GMDS: variants seen among roughly 807,000 people sequenced by gnomAD.
GMDS encodes the protein GDP-mannose 4,6-dehydratase, also known as GDP-mannose 4,6 dehydratase.
A neutral mutation model predicts 49.9 loss-of-function variants in GMDS; 20 were observed. The ratio of observed to expected loss-of-function variants is 0.40; its 90% CI spans 0.28 to 0.58. GMDS has a LOEUF of 0.58. Ranked by LOEUF, GMDS falls within the 20% of genes least tolerant of loss-of-function variation. The probability of loss-of-function intolerance (pLI) is 0.42; values close to 1 mark genes in which losing one functional copy is unlikely to be tolerated. For missense variants in GMDS, 362 were observed against 481.4 expected (o/e 0.75, Z 2.32); for synonymous variants, 177 against 178.6 (o/e 0.99, Z 0.07).
chr6:2,240,939 C>T (rs1044710742), intron 1 of GMDS, among the ~76,000 whole-genome samples: 2 of 152,198 alleles, frequency 1.3e-5, no homozygotes, highest in African/African-American at 4.8e-5. Context: ...AAGAAAACAG[C>T]ATTTTTCAGT....
intron 1 of GMDS, among the ~76,000 whole-genome samples, chr6:2,185,384 G>A (rs929101826): frequency 3.3e-5 from 5 of 152,020 alleles, no homozygotes; most frequent in Admixed American, 6.6e-5. Context: ...CAAAACTACT[G>A]CACTTTACAT....
At chr6:1,973,322 G>A (rs1479412465) in intron 4 of GMDS, among the ~76,000 whole-genome samples, 1 of 152,132 alleles carries the variant, frequency 6.6e-6, no homozygotes, top group Non-Finnish European at 1.5e-5. Context: ...ATTTTGTAAT[G>A]TTTATAACTT....
chr6:2,027,556 T>G (rs983803985), intron 4 of GMDS, among the ~76,000 whole-genome samples: 1 of 152,112 alleles, frequency 6.6e-6, no homozygotes, highest in African/African-American at 2.4e-5. Context: ...ATCAACATAA[T>G]GATAAGCATA....
intron 4 of GMDS, among the ~76,000 whole-genome samples, chr6:2,036,669 T>C (rs1440938629): frequency 6.6e-6 from 1 of 152,218 alleles, no homozygotes; most frequent in Non-Finnish European, 1.5e-5. Context: ...GATAATTCTC[T>C]TCCTATAAAT....
Position 1,880,284 on chromosome 6 carries a change from CAAAAAAAAAAAAA to C in GMDS, c.771+49806_771+49818del, listed in dbSNP as rs34490393. Among the ~76,000 whole-genome samples the C allele has an allele frequency of 1.5e-4, 9 of 59,124 alleles. No homozygotes were observed. In the South Asian group the frequency reaches 6.7e-3, roughly 44 times the overall value. 38.8% of individuals were successfully genotyped at this position (59,124 alleles called of 152,430 possible). On this transcript the variant is annotated intron_variant, in intron 7 of 10. Transcript: ENST00000380815. Reference sequence around the variant, plus strand: ...ACAATGAAACGAGACCTCATTTCCACAAAAAAAAAAAAAAAAAAAAAAAAATCACCAGGTGTGG... The same window carrying C: ...ACAATGAAACGAGACCTCATTTCCACAAAAAAAAAAAATCACCAGGTGTGG...
At chr6:2,093,198 A>G (rs1004779) in intron 4 of GMDS, among the ~76,000 whole-genome samples, 92,693 of 152,012 alleles carry the variant, frequency 0.61, 28,505 homozygotes, top group East Asian at 0.71. Context: ...AGCCATTCTT[A>G]TTGAGTTTTG....
chr6:1,749,202 G>GTGC (rs1339868576), intron 7 of GMDS, among the ~76,000 whole-genome samples: 1 of 152,184 alleles, frequency 6.6e-6, no homozygotes, highest in African/African-American at 2.4e-5. Context: ...GGCTGCCCTG[G>GTGC]TGCTCTCTGG....
chr6:1,940,660 G>C (rs958257607), intron 6 of GMDS, among the ~76,000 whole-genome samples: 1 of 152,238 alleles, frequency 6.6e-6, no homozygotes, highest in Admixed American at 6.5e-5. Flanking sequence ...AGGCTTAAAA[G>C]AGGACAATTC....
chr6:2,212,310 C>T (rs1048602400), intron 1 of GMDS, among the ~76,000 whole-genome samples: 1 of 152,146 alleles, frequency 6.6e-6, no homozygotes, highest in African/African-American at 2.4e-5. Flanking sequence ...AAAACTTAAG[C>T]AGGCAAGCAT....
At chr6:1,862,374 C>T (rs1051402959) in intron 7 of GMDS, among the ~76,000 whole-genome samples, 1 of 144,398 alleles carries the variant, frequency 6.9e-6, no homozygotes, top group African/African-American at 2.6e-5. Context: ...GACAAAGGAT[C>T]CTGCTGGCAC....
intron 9 of GMDS, among the ~76,000 whole-genome samples, chr6:1,675,852 C>CA (rs70989197): frequency 0.38 from 48,805 of 127,586 alleles, 8,751 homozygotes; most frequent in Middle Eastern, 0.48. Context: ...GACTCTGTCT[C>CA]AAAAAAAAAA....
intron 1 of GMDS, chr6:2,175,896 T>C: frequency 9.2e-7 from 1 of 1,085,176 alleles, no homozygotes; most frequent in South Asian, 1.3e-5. Context: ...GGCACTATGA[T>C]TAGCCCCATT....
intron 4 of GMDS, among the ~76,000 whole-genome samples, chr6:2,092,317 A>G (rs1773364716): frequency 6.6e-6 from 1 of 152,174 alleles, no homozygotes; most frequent in Non-Finnish European, 1.5e-5. Context: ...CTGGCAAAAT[A>G]TAACTTCAAT....
intron 9 of GMDS, among the ~76,000 whole-genome samples, chr6:1,657,853 C>CAAAAAAAAAAAAAAAAAAAAAAAA (rs757277370): frequency 3.2e-5 from 2 of 63,358 alleles, no homozygotes; most frequent in Non-Finnish European, 6.0e-5. Context: ...AGAACTCAAG[C>CAAAAAAAAAAAAAAAAAAAAAAAA]AAAAAAAAAA....
At chr6:2,002,584 T>C (rs1342774883) in intron 4 of GMDS, among the ~76,000 whole-genome samples, 4 of 152,214 alleles carry the variant, frequency 2.6e-5, no homozygotes, top group Admixed American at 2.6e-4. Context: ...TATGAAATCC[T>C]ACCCTGTGCT....
At chr6:2,059,515 T>C (rs1424258215) in intron 4 of GMDS, among the ~76,000 whole-genome samples, 2 of 149,756 alleles carry the variant, frequency 1.3e-5, no homozygotes, top group East Asian at 2.0e-4. Flanking sequence ...GAGACCATCC[T>C]GGCTAACACG....
At chr6:2,113,473 C>T (rs1383207536) in intron 4 of GMDS, among the ~76,000 whole-genome samples, 1 of 151,866 alleles carries the variant, frequency 6.6e-6, no homozygotes, top group African/African-American at 2.4e-5. Context: ...TCTCCTCATA[C>T]TGGTTCTGCT....
chr6:1,894,494 T>C (rs1313597113), intron 7 of GMDS, among the ~76,000 whole-genome samples: 1 of 152,236 alleles, frequency 6.6e-6, no homozygotes, highest in Non-Finnish European at 1.5e-5. Flanking sequence ...AGAACAATAA[T>C]GAATACTGGT....
At chr6:2,208,854 TAAA>T (rs34346221) in intron 1 of GMDS, among the ~76,000 whole-genome samples, 4 of 142,406 alleles carry the variant, frequency 2.8e-5, no homozygotes, top group Admixed American at 7.0e-5. Context: ...TGGGCTACAT[TAAA>T]AAAAAAAAAA....
Sources: allele counts gnomAD v4.1 joint callset (sites outside exome capture counted in the v4.1 genomes callset), GRCh38; gene constraint gnomAD v4.1.1; transcripts MANE v1.5; gene names NCBI Gene and HGNC (gene_info 2026-07-23, HGNC 2026-07-21).